The following TGFBI variants were observed in gnomAD, a reference collection of about 807,000 sequenced individuals.
TGFBI encodes transforming growth factor-beta-induced protein ig-h3.
In TGFBI, 50 loss-of-function variants were observed where a neutral mutation model predicts 73.7. The ratio of observed to expected loss-of-function variants is 0.68; its 90% CI spans 0.54 to 0.86. The LOEUF (loss-of-function observed/expected upper bound fraction) is 0.86. Among genes scored for constraint, TGFBI ranks in the 40% least tolerant of loss-of-function variants. TGFBI has a pLI of 0.00. For missense variants in TGFBI, 839 were observed against 877.0 expected, an observed-to-expected ratio of 0.96 and a Z score of 0.55; for synonymous variants, 362 against 360.5, an observed-to-expected ratio of 1.00 and a Z score of -0.05.
intron 2 of TGFBI, among the ~76,000 whole-genome samples, chr5:136,043,404 A>G (rs1235901596): frequency 6.6e-6 from 1 of 152,248 alleles, no homozygotes. Flanking sequence ...TTATTTAAAA[A>G]ATAAAAAGTA....
At chr5:136,050,570 A>G (rs45452798) in intron 7 of TGFBI, among the ~76,000 whole-genome samples, 3,125 of 152,250 alleles carry the variant, frequency 0.021, 103 homozygotes, top group East Asian at 0.082. Context: ...GGCCATGAGC[A>G]CAAAGCTGCT....
At chr5:136,039,460 T>C (rs1402265980) in intron 2 of TGFBI, among the ~76,000 whole-genome samples, 1 of 152,182 alleles carries the variant, frequency 6.6e-6, no homozygotes, top group Non-Finnish European at 1.5e-5. Context: ...CAGGTCTCTG[T>C]CTACAGCCTC....
At position 136,056,792 on chromosome 5, in the gene TGFBI, T is replaced by C; in HGVS notation, c.1675T>C (p.Leu559=). The part of the protein sequence containing the change: ...ALPPRERSRL[L]GDAKELANIL... ...GCCACCAAGAGAACGGAGCAGACTC[T>C]TGGGTAAAGACCAACTTAAGTACAC... Residue 559 remains leucine (L), a synonymous_variant, in exon 12 of 17, where the codon TTG becomes CTG. Coordinates refer to ENST00000442011, the MANE Select transcript of TGFBI (RefSeq NM_000358.3). 1 of 1,612,908 alleles carries C rather than the reference T, an allele frequency of 6.2e-7. No homozygotes were observed. Among genetic ancestry groups the C allele is most frequent in the South Asian group, 1.1e-5 (1 of 90,978 alleles).
intron 5 of TGFBI, 113 bp downstream of exon 5, chr5:136,047,128 G>A (rs1379084689): frequency 2.6e-6 from 4 of 1,523,344 alleles, no homozygotes; most frequent in Middle Eastern, 3.4e-4. Flanking sequence ...CCCTCTTTGT[G>A]CCTGCTTCTC....
intron 2 of TGFBI, among the ~76,000 whole-genome samples, chr5:136,038,580 G>A (rs371467212): frequency 6.6e-6 from 1 of 152,018 alleles, no homozygotes; most frequent in South Asian, 2.1e-4. Flanking sequence ...AATTAGCCAG[G>A]CATGGTGGTA....
chr5:136,063,415 TC>T lies in TGFBI; in HGVS notation c.*194del. 1.7e-6 allele frequency: 1 copy of T among 599,760 alleles called. No individual in the cohort carries two copies. Among genetic ancestry groups the T allele is most frequent in the Non-Finnish European group, 3.0e-6 (1 of 336,994 alleles). The allele number at this position is 599,760 out of a possible 1,614,324, so 37.2% of individuals were successfully genotyped here. A position where few individuals can be genotyped will look rare whatever the true frequency, so the allele number is the denominator to read the frequency against. On this transcript the variant is annotated 3_prime_UTR_variant, in exon 17 of 17. Transcript: ENST00000442011. The stretch of plus-strand genomic sequence containing the variant: ...GAGAGATGTACTTTTTAAATCATGT[TC>T]CCCCTAAACATGGCTGTTAACCCAC...
chr5:136,062,302 G>T (rs1233665374), intron 15 of TGFBI, among the ~76,000 whole-genome samples: 1 of 152,058 alleles, frequency 6.6e-6, no homozygotes, highest in Admixed American at 6.6e-5. Flanking sequence ...CTTTACTTTT[G>T]TACACAGGGG....
chr5:136,050,225 CA>C (rs777652933), intron 7 of TGFBI, among the ~76,000 whole-genome samples: 36 of 151,714 alleles, frequency 2.4e-4, no homozygotes, highest in Non-Finnish European at 4.9e-4. Context: ...CCCAGTTACT[CA>C]GGGGCTGAGG....
chr5:136,038,722 A>G (rs1446072849), intron 2 of TGFBI, among the ~76,000 whole-genome samples: 1 of 148,650 alleles, frequency 6.7e-6, no homozygotes, highest in African/African-American at 2.5e-5. Context: ...CTCCATCTCA[A>G]AAAAAAAAAA....
At chr5:136,062,601 G>A in intron 15 of TGFBI, 62 bp from the exon 16 acceptor site, 1 of 1,529,086 alleles carries the variant, frequency 6.5e-7, no homozygotes, top group South Asian at 1.2e-5. Flanking sequence ...CAAAGCCATT[G>A]TCATAAGCAG....
At chr5:136,054,323 C>CTA (rs1407278526) in intron 9 of TGFBI, among the ~76,000 whole-genome samples, 3 of 152,168 alleles carry the variant, frequency 2.0e-5, no homozygotes, top group African/African-American at 7.2e-5. Flanking sequence ...TGGGAGGCAG[C>CTA]CGTTCCTCAG....
At chr5:136,050,698 G>A (rs190801637) in intron 7 of TGFBI, among the ~76,000 whole-genome samples, 15 of 152,238 alleles carry the variant, frequency 9.9e-5, no homozygotes, top group South Asian at 2.1e-4. Context: ...TAAACCCACC[G>A]TGTCAATGTG....
intron 6 of TGFBI, 21 bp from the exon 7 acceptor site, chr5:136,049,418 C>T: frequency 6.2e-7 from 1 of 1,612,174 alleles, no homozygotes; most frequent in Non-Finnish European, 8.5e-7. Flanking sequence ...GGGAGCACTC[C>T]ATCTTCTCTC....
intron 15 of TGFBI, among the ~76,000 whole-genome samples, 165 bp from the exon 16 acceptor site, chr5:136,062,498 G>T (rs1443545500): frequency 6.6e-6 from 1 of 151,978 alleles, no homozygotes; most frequent in Non-Finnish European, 1.5e-5. Context: ...TGTCTGCCAA[G>T]GCCACCTGAG....
intron 1 of TGFBI, among the ~76,000 whole-genome samples, chr5:136,029,609 G>A (rs1392113483): frequency 2.0e-5 from 3 of 152,186 alleles, no homozygotes; most frequent in Non-Finnish European, 4.4e-5. Flanking sequence ...CCCCCGGCCA[G>A]CGACTCCAGA....
At position 136,059,146 on chromosome 5, in the gene TGFBI, G is replaced by T. The variant is rs1437284556; in HGVS notation, c.1735G>T (p.Val579Phe). 4 of 1,611,514 alleles carry T rather than the reference G, an allele frequency of 2.5e-6. No individual in the cohort carries two copies. The highest frequency in any genetic ancestry group is 3.4e-6 in the Non-Finnish European group (4 of 1,179,082). The change falls in exon 13 of 17, where the codon GTT becomes TTT. Residue 579 changes from valine (V) to phenylalanine (F), a missense_variant. Transcript: ENST00000442011. ...ATACCACATTGGTGATGAAATCCTG[G>T]TTAGCGGAGGCATCGGGGCCCTGGT... ...LKYHIGDEIL[V>F]SGGIGALVRL... is the part of the protein sequence containing the mutation.
chr5:136,058,154 G>T (rs569739525), intron 12 of TGFBI, among the ~76,000 whole-genome samples: 1 of 152,320 alleles, frequency 6.6e-6, no homozygotes, highest in African/African-American at 2.4e-5. Context: ...GGGGAACCTT[G>T]TCAGCTCCAG....
At chr5:136,060,143 G>C (rs1442524855) in intron 13 of TGFBI, among the ~76,000 whole-genome samples, 1 of 151,246 alleles carries the variant, frequency 6.6e-6, no homozygotes, top group African/African-American at 2.4e-5. Flanking sequence ...ATTTCCAGCT[G>C]TTCCACCTAC....
chr5:136,037,666 G>A (rs1245920958), intron 2 of TGFBI, among the ~76,000 whole-genome samples: 1 of 152,200 alleles, frequency 6.6e-6, no homozygotes, highest in African/African-American at 2.4e-5. Flanking sequence ...TTTCACAAGT[G>A]CGAAGCCCTT....
Sources: gnomAD v4.1 joint callset for allele counts (sites outside exome capture counted in the v4.1 genomes callset) on GRCh38, gnomAD v4.1.1 for gene constraint, MANE v1.5 for transcripts, NCBI Gene and HGNC (gene_info 2026-07-23, HGNC 2026-07-21) for gene names.